The following FNDC3B variants were observed in gnomAD, a reference collection of about 807,000 sequenced individuals.
FNDC3B encodes fibronectin type III domain-containing protein 3B.
A neutral mutation model predicts 151.5 loss-of-function variants in FNDC3B; 12 were observed. The ratio of observed to expected loss-of-function variants is 0.08; its 90% CI spans 0.05 to 0.13. The LOEUF is 0.13. Ranked by LOEUF, FNDC3B falls within the 10% of genes least tolerant of loss-of-function variation. The pLI is 1.00. For missense variants in FNDC3B, 1,214 were observed against 1,505.3 expected, an observed-to-expected ratio of 0.81 and a Z score of 3.20; for synonymous variants, 528 against 549.0, an observed-to-expected ratio of 0.96 and a Z score of 0.54.
intron 2 of FNDC3B, among the ~76,000 whole-genome samples, chr3:172,130,057 G>A (rs565734545): frequency 2.9e-4 from 44 of 152,054 alleles, no homozygotes; most frequent in Non-Finnish European, 5.0e-4. Flanking sequence ...GTTAAGTGCC[G>A]GGAGTTGGCC....
chr3:172,068,501 G>T (rs1275492593), intron 1 of FNDC3B, among the ~76,000 whole-genome samples: 1 of 140,536 alleles, frequency 7.1e-6, no homozygotes, highest in Non-Finnish European at 1.5e-5. Flanking sequence ...TCGTCTCACT[G>T]CAGCCTCCGC....
chr3:172,294,730 A>T lies in FNDC3B; in HGVS notation c.850-633A>T, dbSNP rs541070272. ...GAAGATGGAGTAGATTTTGTAAAAC[A>T]TGCCTCAGAGTAGTATTTTAAGAAG... On this transcript the variant is annotated intron_variant, in intron 7 of 25. Coordinates refer to ENST00000415807, the MANE Select transcript of FNDC3B (RefSeq NM_022763.4). 5.9e-5 allele frequency among the ~76,000 whole-genome samples: 9 copies of T among 152,372 alleles called. No individual in the cohort carries two copies. In the East Asian group the frequency reaches 1.2e-3, roughly 20 times the overall value.
intron 3 of FNDC3B, among the ~76,000 whole-genome samples, chr3:172,216,137 G>A (rs1210450561): frequency 6.6e-6 from 1 of 152,174 alleles, no homozygotes; most frequent in African/African-American, 2.4e-5. Flanking sequence ...AGCACTCGAT[G>A]CTCTGGTGAT....
At chr3:172,060,949 G>A (rs13340140) in intron 1 of FNDC3B, among the ~76,000 whole-genome samples, 8,788 of 152,206 alleles carry the variant, frequency 0.058, 854 homozygotes, top group African/African-American at 0.2. Context: ...GGTTTTTCTT[G>A]TTCAGTCAAT....
chr3:172,073,065 A>G (rs1452359822), intron 1 of FNDC3B, among the ~76,000 whole-genome samples: 1 of 152,216 alleles, frequency 6.6e-6, no homozygotes, highest in Admixed American at 6.5e-5. Flanking sequence ...GCCACCCTGC[A>G]GACATAATTA....
chr3:172,378,455 C>G lies in FNDC3B; in HGVS notation c.3175+19C>G. On this transcript the variant is annotated intron_variant, in intron 24 of 25. Coordinates refer to ENST00000415807, the MANE Select transcript of FNDC3B (RefSeq NM_022763.4). ...ATCAAAGGTGTGTAGACTATGTATT[C>G]TTTCTCGCTCTCTTGTGAGAGTAAG... 1 of 1,573,178 alleles carries G rather than the reference C, an allele frequency of 6.4e-7. No homozygotes were observed. Among genetic ancestry groups the G allele is most frequent in the African/African-American group, 1.4e-5 (1 of 73,246 alleles).
intron 18 of FNDC3B, 131 bp downstream of exon 18, chr3:172,343,247 ATTC>A: frequency 3.3e-6 from 2 of 610,750 alleles, no homozygotes; most frequent in Non-Finnish European, 5.9e-6. Context: ...GGATGTCCAT[ATTC>A]TTCTTGAAGT....
At chr3:172,146,312 T>C (rs1341641649) in intron 3 of FNDC3B, among the ~76,000 whole-genome samples, 1 of 152,180 alleles carries the variant, frequency 6.6e-6, no homozygotes, top group African/African-American at 2.4e-5. Context: ...GAAAAGGACA[T>C]GTCTAACATC....
chr3:172,348,226 G>T (rs1733698982), intron 21 of FNDC3B, among the ~76,000 whole-genome samples: 1 of 152,226 alleles, frequency 6.6e-6, no homozygotes, highest in African/African-American at 2.4e-5. Flanking sequence ...GTTCCCACCT[G>T]ATTTAAGTCA....
In FNDC3B at chr3:172,040,161, C is replaced by T. The variant is rs1330520768; in HGVS notation, c.-29+390C>T. Among the ~76,000 whole-genome samples the T allele has an allele frequency of 6.6e-6, 1 of 152,230 alleles. No homozygotes were observed. Among genetic ancestry groups the T allele is most frequent in the African/African-American group, 2.4e-5 (1 of 41,464 alleles). Reference sequence around the variant, plus strand: ...TGTCCGAGGAATCCGCTCCCCCTCCCGGAATCTCCGCGGCAGGAACGCTGC... The same window carrying T: ...TGTCCGAGGAATCCGCTCCCCCTCCTGGAATCTCCGCGGCAGGAACGCTGC... On this transcript the variant is annotated intron_variant, in intron 1 of 25. Transcript: ENST00000415807. The surrounding 1 kb of genome is among the most constrained non-coding windows in gnomAD (Gnocchi z 6.6).
chr3:172,192,275 C>A (rs566449394), intron 3 of FNDC3B, among the ~76,000 whole-genome samples: 1 of 150,556 alleles, frequency 6.6e-6, no homozygotes, highest in Admixed American at 6.7e-5. Flanking sequence ...CTGGTACAAG[C>A]GATTCTCCTG....
At chr3:172,289,359 A>C (rs979583494) in intron 7 of FNDC3B, among the ~76,000 whole-genome samples, 2 of 152,126 alleles carry the variant, frequency 1.3e-5, no homozygotes, top group Admixed American at 1.3e-4. Context: ...ATCCAGGTTA[A>C]GTCTCCCCTT....
At chr3:172,302,389 C>CTAA (rs1216785055) in intron 9 of FNDC3B, 24 of 152,244 alleles carry the variant, frequency 1.6e-4, no homozygotes, top group African/African-American at 5.8e-4. Flanking sequence ...CTAGTGGCAT[C>CTAA]CTTTAGACAG....
intron 7 of FNDC3B, among the ~76,000 whole-genome samples, chr3:172,286,414 A>G: frequency 6.6e-6 from 1 of 152,156 alleles, no homozygotes; most frequent in East Asian, 1.9e-4. Context: ...AGTCCAGAAC[A>G]TTGGGTGCAA....
intron 3 of FNDC3B, among the ~76,000 whole-genome samples, chr3:172,164,390 C>G (rs1287547800): frequency 6.6e-6 from 1 of 152,088 alleles, no homozygotes; most frequent in African/African-American, 2.4e-5. Flanking sequence ...TTTACAACAT[C>G]TAGTTCAAAG....
At chr3:172,386,576 A>C (rs1399969114) in intron 25 of FNDC3B, among the ~76,000 whole-genome samples, 1 of 152,050 alleles carries the variant, frequency 6.6e-6, no homozygotes, top group Non-Finnish European at 1.5e-5. Flanking sequence ...CCCTGTCTCT[A>C]CTAAAAATAC....
intron 22 of FNDC3B, among the ~76,000 whole-genome samples, chr3:172,356,645 T>C (rs1201840853): frequency 6.6e-6 from 1 of 152,218 alleles, no homozygotes; most frequent in African/African-American, 2.4e-5. Context: ...GGAGGCCAGT[T>C]CCGACTCCTC....
chr3:172,229,136 CAA>C (rs1726757020), intron 4 of FNDC3B, among the ~76,000 whole-genome samples: 6 of 81,584 alleles, frequency 7.4e-5, no homozygotes, highest in Admixed American at 1.4e-4. Flanking sequence ...CACACACACA[CAA>C]TCTCCTGCAG....
chr3:172,361,063 C>T (rs539294803), intron 22 of FNDC3B, among the ~76,000 whole-genome samples: 5 of 152,178 alleles, frequency 3.3e-5, no homozygotes, highest in African/African-American at 7.2e-5. Flanking sequence ...AATGAGCCCT[C>T]AATAAACCTT....
Sources: gnomAD v4.1 joint callset for allele counts (sites outside exome capture counted in the v4.1 genomes callset) on GRCh38, gnomAD v4.1.1 for gene constraint, Gnocchi (gnomAD v3.1) non-coding constraint, MANE v1.5 for transcripts, NCBI Gene and HGNC (gene_info 2026-07-23, HGNC 2026-07-21) for gene names.